The following FOXN1 variants were observed in gnomAD, a reference collection of about 807,000 sequenced individuals.
The protein encoded by FOXN1 is forkhead box N1.
A neutral mutation model predicts 49.0 loss-of-function variants in FOXN1; 15 were observed. The observed-to-expected ratio is 0.31, with a 90% CI of 0.20 to 0.47. The LOEUF is 0.47. FOXN1 is among the 20% of genes least tolerant of loss of function. FOXN1 has a pLI of 1.00. For missense variants in FOXN1, 800 were observed against 842.8 expected (o/e 0.95, Z 0.63); for synonymous variants, 356 against 369.0 (o/e 0.96, Z 0.40).
chr17:28,517,860 A>T, intron 1 of FOXN1, among the ~76,000 whole-genome samples: 1 of 147,646 alleles, frequency 6.8e-6, no homozygotes. Flanking sequence ...ACACCTCCAC[A>T]GGATCCATAC....
At chr17:28,528,985 G>A in intron 4 of FOXN1, 109 bp from the exon 5 acceptor site, 1 of 1,444,544 alleles carries the variant, frequency 6.9e-7, no homozygotes, top group Non-Finnish European at 9.7e-7. Flanking sequence ...ACCCAGGAGG[G>A]AAGAATCTGG....
chr17:28,529,677 G>A (rs746264238), intron 5 of FOXN1, among the ~76,000 whole-genome samples: 3 of 152,158 alleles, frequency 2.0e-5, no homozygotes, highest in Non-Finnish European at 4.4e-5. Context: ...CTTCTCTGGG[G>A]CTGGGTTCTT....
In FOXN1 at chr17:28,538,154, G is replaced by A. The variant is rs1224649904; in HGVS notation, c.*718G>A. The A allele has an allele frequency of 6.6e-6, 1 of 152,232 alleles. No homozygotes were observed. Among genetic ancestry groups the A allele is most frequent in the Non-Finnish European group, 1.5e-5 (1 of 68,116 alleles). 9.4% of individuals were successfully genotyped at this position (152,232 alleles called of 1,614,324 possible). The stretch of plus-strand genomic sequence containing the variant: ...TTCCCCAGGGTGACATACAGAAGGG[G>A]CAACATCTACCCGGGCACCAAACTG... On this transcript the variant is annotated 3_prime_UTR_variant, in exon 9 of 9. Coordinates refer to ENST00000579795, the MANE Select transcript of FOXN1 (RefSeq NM_001369369.1).
intron 3 of FOXN1, among the ~76,000 whole-genome samples, chr17:28,526,476 C>T (rs566751460): frequency 2.0e-5 from 3 of 152,222 alleles, no homozygotes; most frequent in South Asian, 2.1e-4. Context: ...CCCTCCTGTC[C>T]GTACTCACCG....
At chr17:28,508,796 G>A (rs2069324779) in intron 1 of FOXN1, among the ~76,000 whole-genome samples, 1 of 152,166 alleles carries the variant, frequency 6.6e-6, no homozygotes, top group African/African-American at 2.4e-5. Flanking sequence ...ACAAAAGGAT[G>A]GAGGGGACCG....
chr17:28,524,172 G>A lies in FOXN1; in HGVS notation c.123+80G>A, dbSNP rs113255020. 1.4e-3 allele frequency: 1,993 copies of A among 1,442,374 alleles called. 3 individuals carry two copies. Among genetic ancestry groups the A allele is most frequent in the Non-Finnish European group, 1.6e-3 (1,688 of 1,064,938 alleles). 89.3% of individuals were successfully genotyped at this position (1,442,374 alleles called of 1,614,324 possible). On this transcript the variant is annotated intron_variant, in intron 2 of 8. Transcript: ENST00000579795. ...CAACAAGAAGACCAGTCACCTTACC[G>A]CCCCCAGGGACCTCCCAGGGCCTGT...
At chr17:28,518,192 A>T (rs1187509596) in intron 1 of FOXN1, among the ~76,000 whole-genome samples, 1 of 152,006 alleles carries the variant, frequency 6.6e-6, no homozygotes, top group Non-Finnish European at 1.5e-5. Context: ...TAGGGTACAC[A>T]CATCCACAGG....
At position 28,537,494 on chromosome 17, in the gene FOXN1, GC is replaced by G; in HGVS notation, c.*61del. The stretch of plus-strand genomic sequence containing the variant: ...CCTGGTCTGGAAGTCCTGGCCGGCC[GC>G]CCACATCGGGCTCACCTTAAAGGTC... On this transcript the variant is annotated 3_prime_UTR_variant, in exon 9 of 9. Transcript: ENST00000579795. The G allele has an allele frequency of 7.4e-7, 1 of 1,360,322 alleles. No homozygotes were observed. Among genetic ancestry groups the G allele is most frequent in the Non-Finnish European group, 1.0e-6 (1 of 953,234 alleles). The allele number at this position is 1,360,322 out of a possible 1,614,324, so 84.3% of individuals were successfully genotyped here. A position where few individuals can be genotyped will look rare whatever the true frequency, so the allele number is the denominator to read the frequency against.
chr17:28,516,715 A>G (rs1308645780), intron 1 of FOXN1, among the ~76,000 whole-genome samples: 2 of 147,292 alleles, frequency 1.4e-5, no homozygotes, highest in African/African-American at 5.1e-5. Flanking sequence ...ACATACCTCC[A>G]CAGGATCCAC....
intron 1 of FOXN1, among the ~76,000 whole-genome samples, chr17:28,517,022 A>G (rs113610861): frequency 0.03 from 1,175 of 38,574 alleles, 354 homozygotes; most frequent in African/African-American, 0.068. Context: ...ATACCATCAC[A>G]GGGTACACGC....
At position 28,518,152 on chromosome 17, in the gene FOXN1, G is replaced by C. The variant is rs148048811; in HGVS notation, c.-14-5804G>C. ...TCCATAGGGTACACACCTCCACATG[G>C]TACACACCTTCATAGGATCCATACC... On this transcript the variant is annotated intron_variant, in intron 1 of 8. Coordinates refer to ENST00000579795, the MANE Select transcript of FOXN1 (RefSeq NM_001369369.1). Among the ~76,000 whole-genome samples, 342 of 150,608 alleles carry C rather than the reference G, an allele frequency of 2.3e-3. 2 individuals carry two copies. Among genetic ancestry groups the C allele is most frequent in the African/African-American group, 8.1e-3 (332 of 40,798 alleles).
At chr17:28,531,797 C>A (rs1308114860) in intron 6 of FOXN1, among the ~76,000 whole-genome samples, 1 of 152,170 alleles carries the variant, frequency 6.6e-6, no homozygotes, top group Non-Finnish European at 1.5e-5. Flanking sequence ...GTGATTCCTG[C>A]CCCCACCATC....
chr17:28,507,716 G>A (rs2069294306), intron 1 of FOXN1, among the ~76,000 whole-genome samples: 1 of 152,208 alleles, frequency 6.6e-6, no homozygotes, highest in South Asian at 2.1e-4. Flanking sequence ...CGAGGGCGGC[G>A]TTGCACTGCA....
chr17:28,526,954 G>C (rs2069783517), intron 3 of FOXN1, among the ~76,000 whole-genome samples: 1 of 152,142 alleles, frequency 6.6e-6, no homozygotes, highest in Non-Finnish European at 1.5e-5. Context: ...TATTCCAGAA[G>C]ATCCCTGTCC....
At chr17:28,523,700 CT>C (rs1379539177) in intron 1 of FOXN1, among the ~76,000 whole-genome samples, 1 of 152,190 alleles carries the variant, frequency 6.6e-6, no homozygotes, top group African/African-American at 2.4e-5. Flanking sequence ...CCTGAGGCTC[CT>C]ACCTGGCTCA....
At chr17:28,527,422 T>C in intron 4 of FOXN1, 61 bp downstream of exon 4, 1 of 942,602 alleles carries the variant, frequency 1.1e-6, no homozygotes, top group South Asian at 1.4e-5. Context: ...TGTGTGTATG[T>C]GGTGTGTGGG....
At chr17:28,521,618 G>A (rs1015571564) in intron 1 of FOXN1, among the ~76,000 whole-genome samples, 3 of 152,248 alleles carry the variant, frequency 2.0e-5, no homozygotes, top group African/African-American at 7.2e-5. Flanking sequence ...GAGTGAGCAG[G>A]CGCCAGGACA....
intron 1 of FOXN1, among the ~76,000 whole-genome samples, chr17:28,509,933 C>T (rs1567869223): frequency 6.6e-6 from 1 of 152,170 alleles, no homozygotes. Context: ...GCCTGTGGCC[C>T]TTGCTTAGTC....
At chr17:28,522,942 T>C (rs751064834) in intron 1 of FOXN1, among the ~76,000 whole-genome samples, 2 of 152,232 alleles carry the variant, frequency 1.3e-5, no homozygotes, top group Admixed American at 6.5e-5. Flanking sequence ...GAATGCTTTC[T>C]GCGCATGATT....
Sources: allele counts gnomAD v4.1 joint callset (sites outside exome capture counted in the v4.1 genomes callset), GRCh38; gene constraint gnomAD v4.1.1; transcripts MANE v1.5; gene names NCBI Gene and HGNC (gene_info 2026-07-23, HGNC 2026-07-21).